The following UBE2E2 variants were observed in gnomAD, a reference collection of about 807,000 sequenced individuals.
UBE2E2 encodes the protein ubiquitin-conjugating enzyme E2 E2.
UBE2E2 carries 6 observed loss-of-function variants against 24.7 expected under a neutral mutation model. The ratio of observed to expected loss-of-function variants is 0.24; its 90% CI spans 0.13 to 0.48. The LOEUF is 0.48. UBE2E2 is among the 20% of genes least tolerant of loss of function. The pLI, the probability that UBE2E2 is intolerant of heterozygous loss-of-function variation, is 0.99. For synonymous variants in UBE2E2, 104 were observed against 83.6 expected, an observed-to-expected ratio of 1.24 and a Z score of -1.33; for missense variants, 169 against 245.0, an observed-to-expected ratio of 0.69 and a Z score of 2.07.
chr3:23,396,330 C>CAT (rs1559371502), intron 3 of UBE2E2, among the ~76,000 whole-genome samples: 3 of 97,330 alleles, frequency 3.1e-5, no homozygotes, highest in South Asian at 8.1e-4. Context: ...TATATATATA[C>CAT]GTATATATAT....
At chr3:23,262,733 G>C (rs960930581) in intron 3 of UBE2E2, among the ~76,000 whole-genome samples, 1 of 151,838 alleles carries the variant, frequency 6.6e-6, no homozygotes, top group Admixed American at 6.6e-5. Context: ...TTTGTTGATT[G>C]GTTCCTTTGT....
intron 5 of UBE2E2, among the ~76,000 whole-genome samples, chr3:23,588,212 T>G (rs1469768345): frequency 2.0e-5 from 3 of 152,146 alleles, no homozygotes; most frequent in African/African-American, 7.2e-5. Context: ...TTTGATGATT[T>G]TTCTCATTTT....
intron 3 of UBE2E2, among the ~76,000 whole-genome samples, chr3:23,254,326 AT>A (rs1171332936): frequency 2.0e-5 from 3 of 152,180 alleles, no homozygotes; most frequent in Non-Finnish European, 4.4e-5. Flanking sequence ...GGAAGAGGTA[AT>A]TTTGACCAAG....
chr3:23,243,620 A>G (rs545646619), intron 3 of UBE2E2, among the ~76,000 whole-genome samples: 3 of 152,298 alleles, frequency 2.0e-5, no homozygotes, highest in East Asian at 1.9e-4. Context: ...AAATAATTCT[A>G]CTGTTCAGCC....
chr3:23,337,536 G>A lies in UBE2E2; in HGVS notation c.227+120224G>A, dbSNP rs182891012. ...TGAGAGATGCTGTGTGCTTTAGGAC[G>A]ATTTCACATAGGAGTCTAACCCAGA... On this transcript the variant is annotated intron_variant, in intron 3 of 5. Coordinates refer to ENST00000396703, the MANE Select transcript of UBE2E2 (RefSeq NM_152653.4). Among the ~76,000 whole-genome samples the A allele has an allele frequency of 5.3e-5, 8 of 152,242 alleles. No individual in the cohort carries two copies. The East Asian group carries it at 1.5e-3, about 29-fold the overall frequency.
At chr3:23,350,779 C>T (rs763835938) in intron 3 of UBE2E2, among the ~76,000 whole-genome samples, 1 of 152,116 alleles carries the variant, frequency 6.6e-6, no homozygotes, top group Non-Finnish European at 1.5e-5. Context: ...CTGAAAGTGA[C>T]GGGGAGAAAG....
At chr3:23,293,379 G>C (rs756467548) in intron 3 of UBE2E2, among the ~76,000 whole-genome samples, 8 of 152,190 alleles carry the variant, frequency 5.3e-5, no homozygotes. Context: ...TAACATGAAG[G>C]AGTTGAGATC....
chr3:23,441,386 A>T (rs1283215478), intron 3 of UBE2E2, among the ~76,000 whole-genome samples: 34 of 151,128 alleles, frequency 2.2e-4, no homozygotes, highest in Admixed American at 2.2e-3. Context: ...AAAAAAAAAA[A>T]AAATTAGCTG....
intron 3 of UBE2E2, among the ~76,000 whole-genome samples, chr3:23,397,360 T>G (rs1428833082): frequency 6.6e-6 from 1 of 152,034 alleles, no homozygotes; most frequent in East Asian, 1.9e-4. Flanking sequence ...TGGTAAACTT[T>G]TGAACAATTT....
intron 3 of UBE2E2, among the ~76,000 whole-genome samples, chr3:23,354,166 G>T (rs1490774087): frequency 6.6e-6 from 1 of 151,968 alleles, no homozygotes; most frequent in Non-Finnish European, 1.5e-5. Flanking sequence ...AATGGTGCTG[G>T]GAAAACTGGC....
At chr3:23,559,487 G>A (rs1387044140) in intron 5 of UBE2E2, among the ~76,000 whole-genome samples, 1 of 151,986 alleles carries the variant, frequency 6.6e-6, no homozygotes, top group Non-Finnish European at 1.5e-5. Flanking sequence ...AAATTACTAA[G>A]CTGATTTTCA....
chr3:23,575,510 A>C (rs1696327569), intron 5 of UBE2E2, among the ~76,000 whole-genome samples: 1 of 152,198 alleles, frequency 6.6e-6, no homozygotes, highest in Non-Finnish European at 1.5e-5. Flanking sequence ...GACATGAACA[A>C]AATACTCACA....
At chr3:23,213,941 T>C (rs1696397534) in intron 2 of UBE2E2, among the ~76,000 whole-genome samples, 1 of 152,166 alleles carries the variant, frequency 6.6e-6, no homozygotes, top group Non-Finnish European at 1.5e-5. Flanking sequence ...ACCTTTCTTA[T>C]CCCACTTGTC....
intron 3 of UBE2E2, among the ~76,000 whole-genome samples, chr3:23,479,544 G>C (rs115373720): frequency 6.6e-6 from 1 of 152,072 alleles, no homozygotes; most frequent in Non-Finnish European, 1.5e-5. Flanking sequence ...TGGGGGGTAG[G>C]GGGGGTATGT....
At chr3:23,522,230 G>C (rs542111280) in intron 4 of UBE2E2, among the ~76,000 whole-genome samples, 11 of 148,786 alleles carry the variant, frequency 7.4e-5, no homozygotes, top group Non-Finnish European at 1.6e-4. Context: ...TCCCGGGTTC[G>C]CGCCGTTCTC....
chr3:23,249,482 C>G (rs551538788), intron 3 of UBE2E2, among the ~76,000 whole-genome samples: 1 of 152,012 alleles, frequency 6.6e-6, no homozygotes, highest in Non-Finnish European at 1.5e-5. Flanking sequence ...TTTCCAGATA[C>G]TAAAAATTTT....
intron 3 of UBE2E2, 73 bp from the exon 4 acceptor site, chr3:23,499,535 C>T (rs1225268830): frequency 6.5e-7 from 1 of 1,537,854 alleles, no homozygotes; most frequent in Non-Finnish European, 8.7e-7. Flanking sequence ...AATTGGTTAT[C>T]ATAAATAGAT....
At chr3:23,247,303 C>T (rs1204163164) in intron 3 of UBE2E2, among the ~76,000 whole-genome samples, 1 of 151,406 alleles carries the variant, frequency 6.6e-6, no homozygotes, top group Admixed American at 6.6e-5. Context: ...TTTTTATTAT[C>T]TGATATCTGA....
chr3:23,468,794 C>A (rs1426598524), intron 3 of UBE2E2, among the ~76,000 whole-genome samples: 1 of 152,198 alleles, frequency 6.6e-6, no homozygotes, highest in African/African-American at 2.4e-5. Flanking sequence ...ACAAGTCATG[C>A]ATCTCTTGAT....
Sources: gnomAD v4.1 joint callset for allele counts (sites outside exome capture counted in the v4.1 genomes callset) on GRCh38, gnomAD v4.1.1 for gene constraint, MANE v1.5 for transcripts, NCBI Gene and HGNC (gene_info 2026-07-23, HGNC 2026-07-21) for gene names.